Variants in XIRP2 observed in about 807,000 individuals in gnomAD.
The protein encoded by XIRP2 is xin actin binding repeat containing 2.
XIRP2 carries 236 observed loss-of-function variants against 277.0 expected under a neutral mutation model. That is an observed-to-expected ratio of 0.85 (90% confidence interval 0.77 to 0.95). XIRP2 has a LOEUF of 0.95. XIRP2 is among the 40% of genes least tolerant of loss of function. XIRP2 has a pLI of 0.00. For missense variants in XIRP2, 4,640 were observed against 4,157.5 expected (o/e 1.12, Z -3.19); for synonymous variants, 1,490 against 1,416.5 (o/e 1.05, Z -1.17).
chr2:167,074,567 A>T (rs914138597), intron 2 of XIRP2, among the ~76,000 whole-genome samples: 1 of 152,056 alleles, frequency 6.6e-6, no homozygotes, highest in Admixed American at 6.6e-5. Context: ...TTAGGAGACA[A>T]TGCATTGGAC....
intron 2 of XIRP2, among the ~76,000 whole-genome samples, chr2:167,036,658 G>A (rs903867400): frequency 4.6e-5 from 7 of 152,196 alleles, no homozygotes; most frequent in South Asian, 2.1e-4. Flanking sequence ...TTAAGACTTC[G>A]GGGGAGTGTT....
chr2:167,046,623 G>A (rs1471607624), intron 2 of XIRP2, among the ~76,000 whole-genome samples: 1 of 151,998 alleles, frequency 6.6e-6, no homozygotes, highest in Non-Finnish European at 1.5e-5. Context: ...GCCATTTACA[G>A]CAACTTGGAT....
Position 167,119,675 on chromosome 2 carries a change from A to C in XIRP2, c.409-16234A>C, listed in dbSNP as rs367915672. Among the ~76,000 whole-genome samples the C allele has an allele frequency of 2.5e-4, 38 of 152,346 alleles. 1 individual carries two copies. The South Asian group carries it at 7.9e-3, about 32-fold the overall frequency. On this transcript the variant is annotated intron_variant, in intron 2 of 10. Coordinates refer to ENST00000409195, the MANE Select transcript of XIRP2 (RefSeq NM_152381.6). Reference sequence around the variant, plus strand: ...TGTTAAATAAACAAGTAGATTATGCATGATGCCCACAATTGCTCTAAAGAC... The same window carrying C: ...TGTTAAATAAACAAGTAGATTATGCCTGATGCCCACAATTGCTCTAAAGAC...
At chr2:167,163,094 G>A (rs181768324) in intron 3 of XIRP2, among the ~76,000 whole-genome samples, 148 of 152,166 alleles carry the variant, frequency 9.7e-4, no homozygotes, top group Non-Finnish European at 1.7e-3. Flanking sequence ...GGACAGCTAG[G>A]CTATTTCTAG....
chr2:167,176,000 G>C (rs1180114027), intron 3 of XIRP2, among the ~76,000 whole-genome samples: 1 of 152,166 alleles, frequency 6.6e-6, no homozygotes, highest in Non-Finnish European at 1.5e-5. Flanking sequence ...GTCGACTTCA[G>C]AGTGCTGTGC....
intron 3 of XIRP2, among the ~76,000 whole-genome samples, chr2:167,154,806 A>T (rs1320474780): frequency 6.6e-6 from 1 of 152,140 alleles, no homozygotes; most frequent in African/African-American, 2.4e-5. Flanking sequence ...TGAATCCAGG[A>T]GCTGGTTTTT....
At chr2:167,211,879 T>A (rs1248748286) in intron 4 of XIRP2, among the ~76,000 whole-genome samples, 1 of 152,180 alleles carries the variant, frequency 6.6e-6, no homozygotes. Context: ...GGTTCTGTAT[T>A]CTGTGGCCTT....
At chr2:167,122,459 A>C (rs1036443507) in intron 2 of XIRP2, among the ~76,000 whole-genome samples, 3 of 152,192 alleles carry the variant, frequency 2.0e-5, no homozygotes, top group African/African-American at 7.2e-5. Context: ...AATAACAGGC[A>C]TCAGAAATGT....
intron 3 of XIRP2, among the ~76,000 whole-genome samples, chr2:167,161,151 C>T (rs1296757143): frequency 6.6e-6 from 1 of 152,210 alleles, no homozygotes; most frequent in African/African-American, 2.4e-5. Flanking sequence ...TGCAGCTTTG[C>T]AGGGTACAGC....
intron 2 of XIRP2, among the ~76,000 whole-genome samples, chr2:166,998,657 A>G (rs912946061): frequency 1.3e-5 from 2 of 152,134 alleles, no homozygotes; most frequent in Non-Finnish European, 2.9e-5. Flanking sequence ...AACAAAATGA[A>G]AACCAAAACT....
chr2:167,066,812 G>T (rs1037744513), intron 2 of XIRP2, among the ~76,000 whole-genome samples: 4 of 152,056 alleles, frequency 2.6e-5, no homozygotes, highest in South Asian at 4.1e-4. Context: ...TAAAAGCAAA[G>T]GTAGCCCTGT....
rs199766816 is a variant in XIRP2 at position 167,247,589 on chromosome 2, C to T, written c.6197C>T (p.Thr2066Ile). The part of the protein sequence containing the change: ...LESGDKTGVW[T>I]DTTGEQHLRD... ...TCAGGAGACAAAACGGGTGTCTGGACTGATACTACAGGAGAACAGCATCTT... is the reference window on the plus strand; with the variant it reads ...TCAGGAGACAAAACGGGTGTCTGGATTGATACTACAGGAGAACAGCATCTT... Residue 2066 changes from threonine (T) to isoleucine (I), a missense_variant, in exon 9 of 11, where the codon ACT (threonine) becomes ATT (isoleucine). Coordinates refer to ENST00000409195, the MANE Select transcript of XIRP2 (RefSeq NM_152381.6). The T allele has an allele frequency of 4.4e-4, 704 of 1,613,636 alleles. 2 individuals carry two copies. The highest frequency in any genetic ancestry group is 8.7e-5 in the Non-Finnish European group (103 of 1,179,724).
chr2:166,936,238 C>A (rs369537923), intron 2 of XIRP2, among the ~76,000 whole-genome samples: 1 of 152,076 alleles, frequency 6.6e-6, no homozygotes, highest in Non-Finnish European at 1.5e-5. Flanking sequence ...TCATATCCTT[C>A]GCCCACTTTT....
intron 2 of XIRP2, among the ~76,000 whole-genome samples, chr2:166,984,694 A>C (rs1396324249): frequency 1.3e-5 from 2 of 152,202 alleles, no homozygotes; most frequent in African/African-American, 4.8e-5. Flanking sequence ...TTGTTAAATG[A>C]AGCAAAATGT....
chr2:167,220,869 T>A (rs1694405199), intron 5 of XIRP2, among the ~76,000 whole-genome samples: 1 of 152,174 alleles, frequency 6.6e-6, no homozygotes, highest in Non-Finnish European at 1.5e-5. Context: ...TCCTTGCAAA[T>A]GTAGTTTATT....
At chr2:166,941,102 G>A (rs1685697939) in intron 2 of XIRP2, among the ~76,000 whole-genome samples, 1 of 152,286 alleles carries the variant, frequency 6.6e-6, no homozygotes, top group Non-Finnish European at 1.5e-5. Context: ...CTCAGTTCGA[G>A]CTTCCCAGCC....
At chr2:167,072,848 A>G (rs1479286923) in intron 2 of XIRP2, among the ~76,000 whole-genome samples, 1 of 152,186 alleles carries the variant, frequency 6.6e-6, no homozygotes, top group Non-Finnish European at 1.5e-5. Flanking sequence ...AGCCTCCAAA[A>G]TCAAACCATA....
intron 5 of XIRP2, among the ~76,000 whole-genome samples, chr2:167,229,077 A>G (rs1024762268): frequency 2.0e-5 from 3 of 152,180 alleles, no homozygotes; most frequent in African/African-American, 7.2e-5. Flanking sequence ...AGGTCACAGC[A>G]AGAGTTTCCT....
chr2:167,221,460 C>CAAA (rs57006710), intron 5 of XIRP2, among the ~76,000 whole-genome samples: 81 of 63,396 alleles, frequency 1.3e-3, no homozygotes, highest in Middle Eastern at 0.012. Flanking sequence ...AACTCCATCT[C>CAAA]AAAAAAAAAA....
Sources: allele counts gnomAD v4.1 joint callset (sites outside exome capture counted in the v4.1 genomes callset), GRCh38; gene constraint gnomAD v4.1.1; transcripts MANE v1.5; gene names NCBI Gene and HGNC (gene_info 2026-07-23, HGNC 2026-07-21).